The following SACS variants were observed in gnomAD, a reference collection of about 807,000 sequenced individuals.
SACS encodes the protein sacsin molecular chaperone.
A neutral mutation model predicts 348.0 loss-of-function variants in SACS; 197 were observed. The observed-to-expected ratio is 0.57, with a 90% CI of 0.50 to 0.64. SACS has a LOEUF of 0.64. Ranked by LOEUF, SACS falls within the 30% of genes least tolerant of loss-of-function variation. The probability of loss-of-function intolerance (pLI) is 0.00; values close to 1 mark genes in which losing one functional copy is unlikely to be tolerated. For synonymous variants in SACS, 1,985 were observed against 1,910.6 expected (o/e 1.04, Z -1.02); for missense variants, 4,999 against 5,360.8 (o/e 0.93, Z 2.11).
Position 23,355,195 on chromosome 13 carries a change from T to C in SACS, c.1417A>G (p.Asn473Asp), listed in dbSNP as rs2137722315. ...TCTCTCCATTTTATGCTCCTGCGGT[T>C]ATCAGTAAGGCCAAAGAACCCACTG... Reference protein sequence around the residue: ...HISGFFGLTDNRRSIKWRELD... With the variant: ...HISGFFGLTDDRRSIKWRELD... Residue 473 changes from asparagine to aspartate, a missense_variant, in exon 8 of 10, where the codon AAC (asparagine) becomes GAC (aspartate). Physicochemically the swap from Asn to Asp is conservative, Grantham distance 23. This residue lies in a region of SACS where 3,156 missense variants were observed against 3,380.1 expected (regional missense o/e 0.93). Coordinates refer to ENST00000382292, the MANE Select transcript of SACS (RefSeq NM_014363.6). 1 of 1,614,202 alleles carries C rather than the reference T, an allele frequency of 6.2e-7. No individual in the cohort carries two copies. Among genetic ancestry groups the C allele is most frequent in the Non-Finnish European group, 8.5e-7 (1 of 1,180,026 alleles).
At position 23,330,743 on chromosome 13, in the gene SACS, C is replaced by T. The variant is rs571223905; in HGVS notation, c.13133G>A (p.Arg4378Gln). ...LDQNADRASR[R>Q]TFSTSASRFQ... ...TCGGGATGCTGAGGTTGAAAATGTT[C>T]GTCTGGAGGCCCTGTCTGCATTTTG... The change falls in exon 10 of 10, where the codon CGA becomes CAA. Residue 4378 changes from arginine to glutamine, a missense_variant. Around this residue, in one of 6 missense-constraint regions of SACS, gnomAD observed 254 missense variants for 275.1 expected, o/e 0.92. Coordinates refer to ENST00000382292, the MANE Select transcript of SACS (RefSeq NM_014363.6). 1.9e-6 allele frequency: 3 copies of T among 1,613,778 alleles called. No homozygotes were observed. The highest frequency in any genetic ancestry group is 1.7e-5 in the Admixed American group (1 of 59,992).
At chr13:23,404,144 T>A (rs1285633555) in intron 2 of SACS, among the ~76,000 whole-genome samples, 2 of 152,228 alleles carry the variant, frequency 1.3e-5, no homozygotes, top group Non-Finnish European at 2.9e-5. Context: ...TTGCATTTGC[T>A]GAGGAGTGTT....
Position 23,335,405 on chromosome 13 carries a change from G to T in SACS, c.8471C>A (p.Ser2824Ter). 1 of 1,613,912 alleles carries T rather than the reference G, an allele frequency of 6.2e-7. No homozygotes were observed. The highest frequency in any genetic ancestry group is 8.5e-7 in the Non-Finnish European group (1 of 1,179,882). ...NLTTWLICNR[S>*]GFSSMEKVSK... is the part of the protein sequence containing the mutation. ...TACTTTCTCCATACTTGAAAAGCCT[G>T]ATCTATTACAAATTAGCCACGTAGT... Residue 2824 changes from serine to a stop codon, truncating the protein, a stop_gained, in exon 10 of 10, where the codon TCA becomes TAA. Coordinates refer to ENST00000382292, the MANE Select transcript of SACS (RefSeq NM_014363.6). LOFTEE classifies it high-confidence loss of function. The surrounding 1 kb of genome is among the most constrained non-coding windows in gnomAD (Gnocchi z 4.7).
chr13:23,361,915 GACCCAGCCAAATCTCCTTGTTAAC>G (rs1870761163), intron 6 of SACS, among the ~76,000 whole-genome samples: 2 of 152,152 alleles, frequency 1.3e-5, no homozygotes. Flanking sequence ...AGAAAGAGAT[GACCCAGCCAAATCTCCTTGTTAAC>G]ATGCTGATGA....
At position 23,335,583 on chromosome 13, in the gene SACS, C is replaced by A. The variant is rs774458519; in HGVS notation, c.8293G>T (p.Val2765Leu). ...TCTCCATCTGTGATTTTGCCCTTTACTGAATACAGCACATTTAGAGCTCCA... is the reference window on the plus strand; with the variant it reads ...TCTCCATCTGTGATTTTGCCCTTTAATGAATACAGCACATTTAGAGCTCCA... ...STGALNVLYS[V>L]KGKITDGDRL... The change falls in exon 10 of 10, where the codon GTA becomes TTA. Residue 2765 changes from valine to leucine, a missense_variant. Physicochemically the swap from Val to Leu is conservative, Grantham distance 32. Coordinates refer to ENST00000382292, the MANE Select transcript of SACS (RefSeq NM_014363.6). The surrounding 1 kb of genome is among the most constrained non-coding windows in gnomAD (Gnocchi z 4.7). The A allele has an allele frequency of 6.2e-7, 1 of 1,613,812 alleles. No homozygotes were observed.
At chr13:23,342,812 T>G (rs1869353033) in intron 9 of SACS, among the ~76,000 whole-genome samples, 1 of 152,220 alleles carries the variant, frequency 6.6e-6, no homozygotes, top group South Asian at 2.1e-4. Flanking sequence ...GCAATGAGAC[T>G]TACATGGTTT....
intron 1 of SACS, among the ~76,000 whole-genome samples, chr13:23,417,560 A>G (rs1432763427): frequency 6.6e-6 from 1 of 152,166 alleles, no homozygotes; most frequent in African/African-American, 2.4e-5. Context: ...TACTGGGGCA[A>G]GTGGTTAACT....
At chr13:23,410,028 A>C (rs1873417518) in intron 2 of SACS, among the ~76,000 whole-genome samples, 1 of 152,214 alleles carries the variant, frequency 6.6e-6, no homozygotes, top group South Asian at 2.1e-4. Context: ...GGAAAGTTAA[A>C]GGAAAATGGG....
intron 6 of SACS, 135 bp from the exon 7 acceptor site, chr13:23,358,616 C>T (rs1870540102): frequency 2.4e-6 from 2 of 840,890 alleles, no homozygotes; most frequent in Non-Finnish European, 1.9e-6. Flanking sequence ...CTGAATTCCA[C>T]ACTATAATTC....
At chr13:23,368,546 A>T in intron 4 of SACS, 59 bp from the exon 5 acceptor site, 1 of 1,197,380 alleles carries the variant, frequency 8.4e-7, no homozygotes, top group Non-Finnish European at 1.2e-6. Context: ...ATTGTCACCA[A>T]TGTGTGACTT....
At chr13:23,382,104 C>A (rs978109347) in intron 2 of SACS, among the ~76,000 whole-genome samples, 3 of 152,218 alleles carry the variant, frequency 2.0e-5, no homozygotes, top group Non-Finnish European at 4.4e-5. Context: ...CTGGAGGGGA[C>A]ACAAAGAAAA....
At chr13:23,348,285 C>G (rs539005678) in intron 9 of SACS, among the ~76,000 whole-genome samples, 41 of 152,326 alleles carry the variant, frequency 2.7e-4, no homozygotes, top group Admixed American at 8.5e-4. Flanking sequence ...AATGGAGATA[C>G]AGGCTCTATT....
rs1017213900 is a variant in SACS at position 23,340,486 on chromosome 13, G to A, written c.3390C>T (p.Thr1130=). The A allele has an allele frequency of 1.2e-6, 2 of 1,612,130 alleles. No individual in the cohort carries two copies. Among genetic ancestry groups the A allele is most frequent in the Non-Finnish European group, 8.5e-7 (1 of 1,179,316 alleles). The change falls in exon 10 of 10, where the codon ACC becomes ACT. Residue 1130 remains threonine, a synonymous_variant. Coordinates refer to ENST00000382292, the MANE Select transcript of SACS (RefSeq NM_014363.6). ...DQDVLLKKAK[T]LLLVLNKNHT... is the part of the protein sequence containing the mutation. ...GATTCTTATTTAAAACCAGTAAGAGGGTTTTGGCTTTCTTCAGAAGAACAT... is the reference window on the plus strand; with the variant it reads ...GATTCTTATTTAAAACCAGTAAGAGAGTTTTGGCTTTCTTCAGAAGAACAT...
Position 23,331,001 on chromosome 13 carries a change from T to C in SACS, c.12875A>G (p.His4292Arg), listed in dbSNP as rs775470391. 4 of 1,613,970 alleles carry C rather than the reference T, an allele frequency of 2.5e-6. No individual in the cohort carries two copies. The Admixed American group carries it at 5.0e-5, about 20-fold the overall frequency. Residue 4292 changes from histidine (H) to arginine (R), a missense_variant, in exon 10 of 10, where the codon CAT (histidine) becomes CGT (arginine). His to Arg is a conservative substitution (Grantham distance 29). Coordinates refer to ENST00000382292, the MANE Select transcript of SACS (RefSeq NM_014363.6). ...AACCTTAAGCTTTTTGGGGGACTGA[T>C]GTTTGGAAGAAGTCTTGTGGCTCTC... ...GRESHKTSSK[H>R]QSPKKLKVNS...
chr13:23,410,525 A>T (rs1270484732), intron 2 of SACS, among the ~76,000 whole-genome samples: 1 of 152,246 alleles, frequency 6.6e-6, no homozygotes, highest in Non-Finnish European at 1.5e-5. Flanking sequence ...TTAGGTTACA[A>T]GATGTGAAGA....
At chr13:23,359,191 G>A (rs1593148622) in intron 6 of SACS, among the ~76,000 whole-genome samples, 1 of 151,268 alleles carries the variant, frequency 6.6e-6, no homozygotes, top group Non-Finnish European at 1.5e-5. Flanking sequence ...CAAAAAAAAA[G>A]AAAAAAGAAA....
At chr13:23,347,233 A>G (rs1869666001) in intron 9 of SACS, among the ~76,000 whole-genome samples, 1 of 152,212 alleles carries the variant, frequency 6.6e-6, no homozygotes, top group Admixed American at 6.5e-5. Flanking sequence ...TAATTTTTAA[A>G]AAGTTTTGGA....
chr13:23,353,613 G>C lies in SACS; in HGVS notation c.2185+172C>G, dbSNP rs988109906. ...TATCACCTCTGGATTCTTTTAGACA[G>C]CATCTCTTAGATGCCATTCTGGCAA... is the stretch of plus-strand genomic sequence containing the variant. On this transcript the variant is annotated intron_variant, in intron 9 of 9. Coordinates refer to ENST00000382292, the MANE Select transcript of SACS (RefSeq NM_014363.6). 75 of 578,032 alleles carry C rather than the reference G, an allele frequency of 1.3e-4. No homozygotes were observed. The East Asian group carries it at 2.2e-3, about 17-fold the overall frequency. 35.8% of individuals were successfully genotyped at this position (578,032 alleles called of 1,614,324 possible).
At position 23,333,535 on chromosome 13, in the gene SACS, TGAC is replaced by T. The variant is rs1408515252; in HGVS notation, c.10338_10340del (p.Ser3450del). 2 of 1,613,008 alleles carry T rather than the reference TGAC, an allele frequency of 1.2e-6. No homozygotes were observed. The highest frequency in any genetic ancestry group is 1.7e-6 in the Non-Finnish European group (2 of 1,179,130). ...TTTCTTCAAGAAATGCAGATGATGA[TGAC>T]TGTGTCCATTTCTCCACTTCAGCTG... On this transcript the variant is annotated inframe_deletion, in exon 10 of 10. Transcript: ENST00000382292.
Sources: gnomAD v4.1 joint callset for allele counts (sites outside exome capture counted in the v4.1 genomes callset) on GRCh38, gnomAD v4.1.1 for gene constraint, gnomAD v4.1.1 regional missense constraint, Gnocchi (gnomAD v3.1) non-coding constraint, MANE v1.5 for transcripts, NCBI Gene and HGNC (gene_info 2026-07-23, HGNC 2026-07-21) for gene names.